Variants in RARB observed in about 807,000 individuals in gnomAD.
RARB encodes retinoic acid receptor beta.
In RARB, 17 loss-of-function variants were observed where a neutral mutation model predicts 51.9. The observed-to-expected ratio is 0.33, with a 90% CI of 0.22 to 0.49. RARB has a LOEUF of 0.49. RARB is among the 20% of genes least tolerant of loss of function. The pLI, the probability that RARB is intolerant of heterozygous loss-of-function variation, is 0.99. For missense variants in RARB, 369 were observed against 550.8 expected, an observed-to-expected ratio of 0.67 and a Z score of 3.30; for synonymous variants, 215 against 195.4, an observed-to-expected ratio of 1.10 and a Z score of -0.84.
intron 1 of RARB, among the ~76,000 whole-genome samples, chr3:24,837,675 T>C (rs1472683467): frequency 6.6e-6 from 1 of 152,228 alleles, no homozygotes; most frequent in Non-Finnish European, 1.5e-5. Context: ...TTTCTCTTTG[T>C]GTTAATTTTG....
intron 3 of RARB, among the ~76,000 whole-genome samples, chr3:25,523,074 C>T (rs1442743315): frequency 6.6e-6 from 1 of 152,272 alleles, no homozygotes. Flanking sequence ...AAACTGGATT[C>T]GGTTTTTCAA....
At chr3:25,219,299 T>C (rs1575229407) in intron 5 of RARB, among the ~76,000 whole-genome samples, 1 of 152,014 alleles carries the variant, frequency 6.6e-6, no homozygotes, top group African/African-American at 2.4e-5. Flanking sequence ...CACCATCTTA[T>C]AGCAAAGACT....
intron 5 of RARB, among the ~76,000 whole-genome samples, chr3:25,218,220 A>G (rs945921124): frequency 2.6e-5 from 4 of 151,634 alleles, no homozygotes; most frequent in African/African-American, 9.7e-5. Context: ...AGCTTGAAGG[A>G]CTCCAGCTTC....
At chr3:25,553,501 G>A (rs1188365364) in intron 3 of RARB, among the ~76,000 whole-genome samples, 1 of 152,186 alleles carries the variant, frequency 6.6e-6, no homozygotes, top group Non-Finnish European at 1.5e-5. Context: ...GTCTTTGGAT[G>A]CTTATAAAGG....
At chr3:24,886,511 C>G (rs1392340565) in intron 2 of RARB, among the ~76,000 whole-genome samples, 1 of 149,896 alleles carries the variant, frequency 6.7e-6, no homozygotes, top group Non-Finnish European at 1.5e-5. Flanking sequence ...GTGGCATAAT[C>G]ATGGCTTACT....
chr3:25,313,429 C>G (rs144823031), intron 5 of RARB, among the ~76,000 whole-genome samples: 14 of 152,282 alleles, frequency 9.2e-5, no homozygotes, highest in Non-Finnish European at 1.9e-4. Flanking sequence ...ATGCTTATGC[C>G]TAATGTAGGA....
At chr3:25,208,855 C>T (rs1020400761) in intron 5 of RARB, among the ~76,000 whole-genome samples, 4 of 152,102 alleles carry the variant, frequency 2.6e-5, no homozygotes, top group Admixed American at 6.6e-5. Context: ...TCCTGGGAAG[C>T]GCCTGCCTAC....
At chr3:24,835,756 G>A (rs1318425742) in intron 1 of RARB, among the ~76,000 whole-genome samples, 3 of 152,110 alleles carry the variant, frequency 2.0e-5, no homozygotes, top group East Asian at 1.9e-4. Context: ...GAGCGCTGTC[G>A]AGATGCCCAG....
At chr3:24,971,255 A>G (rs114622103) in intron 2 of RARB, among the ~76,000 whole-genome samples, 1,662 of 152,064 alleles carry the variant, frequency 0.011, 24 homozygotes, top group East Asian at 0.085. Flanking sequence ...ATTCTTATTC[A>G]AAAGATGAGG....
chr3:25,069,808 G>A (rs766944884), intron 3 of RARB, among the ~76,000 whole-genome samples: 1 of 152,168 alleles, frequency 6.6e-6, no homozygotes, highest in Non-Finnish European at 1.5e-5. Flanking sequence ...TACAAATGTT[G>A]AGACACAAAA....
intron 3 of RARB, among the ~76,000 whole-genome samples, chr3:25,110,597 C>G (rs80287651): frequency 0.021 from 3,155 of 152,278 alleles, 158 homozygotes; most frequent in East Asian, 0.16. Flanking sequence ...AACCATAATT[C>G]AATAACTTTA....
At chr3:25,419,820 G>T (rs1707809110) in intron 5 of RARB, among the ~76,000 whole-genome samples, 1 of 152,104 alleles carries the variant, frequency 6.6e-6, no homozygotes, top group Admixed American at 6.5e-5. Context: ...TACCTCCCAT[G>T]CTTATGTGTT....
intron 5 of RARB, among the ~76,000 whole-genome samples, chr3:25,339,487 C>G (rs538372178): frequency 1.3e-5 from 2 of 152,024 alleles, no homozygotes; most frequent in South Asian, 2.1e-4. Context: ...CGTGGCTGCG[C>G]GGGAGTCTCT....
At chr3:25,382,488 G>A (rs1430613770) in intron 5 of RARB, among the ~76,000 whole-genome samples, 1 of 152,212 alleles carries the variant, frequency 6.6e-6, no homozygotes, top group African/African-American at 2.4e-5. Context: ...GTCCTGAAGA[G>A]CACCAGGTAA....
At chr3:25,013,156 T>C (rs1350536589) in intron 2 of RARB, among the ~76,000 whole-genome samples, 1 of 152,082 alleles carries the variant, frequency 6.6e-6, no homozygotes, top group Non-Finnish European at 1.5e-5. Flanking sequence ...GCAGACAGCA[T>C]TGCCTTGAAG....
At chr3:25,255,658 A>C (rs1401605684) in intron 5 of RARB, among the ~76,000 whole-genome samples, 2 of 152,070 alleles carry the variant, frequency 1.3e-5, no homozygotes, top group African/African-American at 4.8e-5. Context: ...CTGTAATTTT[A>C]GTCTTTGATT....
At chr3:25,514,933 T>C (rs967330994) in intron 3 of RARB, among the ~76,000 whole-genome samples, 23 of 152,346 alleles carry the variant, frequency 1.5e-4, no homozygotes, top group African/African-American at 5.3e-4. Flanking sequence ...AACTTGGATA[T>C]TGTGTCCTTG....
intron 5 of RARB, among the ~76,000 whole-genome samples, chr3:25,241,608 T>G (rs2125396330): frequency 6.6e-6 from 1 of 152,344 alleles, no homozygotes; most frequent in South Asian, 2.1e-4. Context: ...GAATGATGGC[T>G]TCCAGATTCA....
chr3:25,107,087 G>A (rs571551450), intron 3 of RARB, among the ~76,000 whole-genome samples: 4 of 152,234 alleles, frequency 2.6e-5, no homozygotes, highest in Admixed American at 1.3e-4. Flanking sequence ...TTGCAGTAGA[G>A]AGGCAGTTTC....
Sources: gnomAD v4.1 joint callset for allele counts (sites outside exome capture counted in the v4.1 genomes callset) on GRCh38, gnomAD v4.1.1 for gene constraint, MANE v1.5 for transcripts, NCBI Gene and HGNC (gene_info 2026-07-23, HGNC 2026-07-21) for gene names.